The following CCDC141 variants were observed in gnomAD, a reference collection of about 807,000 sequenced individuals.
CCDC141 encodes coiled-coil domain-containing protein 141.
Under a neutral mutation model 181.0 loss-of-function variants are expected in CCDC141, and 168 were observed. The observed-to-expected ratio is 0.93, with a 90% CI of 0.82 to 1.05. The LOEUF (loss-of-function observed/expected upper bound fraction) is 1.05. CCDC141 is among the 50% of genes least tolerant of loss of function. The probability of loss-of-function intolerance (pLI) is 0.00; values close to 1 mark genes in which losing one functional copy is unlikely to be tolerated. For missense variants in CCDC141, 1,902 were observed against 1,788.5 expected (o/e 1.06, Z -1.14); for synonymous variants, 666 against 642.3 (o/e 1.04, Z -0.56).
At chr2:178,854,928 T>G (rs1198367697) in intron 19 of CCDC141, among the ~76,000 whole-genome samples, 1 of 152,220 alleles carries the variant, frequency 6.6e-6, no homozygotes, top group East Asian at 1.9e-4. Flanking sequence ...ATAACAACTT[T>G]TTGTAGCTGA....
chr2:178,888,555 G>A lies in CCDC141; in HGVS notation c.1379C>T (p.Thr460Ile), dbSNP rs1047823054. ...KEYALKKQQL[T>I]ASVEGYLRKV... ...CCGTAGGTAACCCTCCACTGAGGCT[G>A]TTAGTTGTTGTTTCTTAAGAGCATA... Residue 460 changes from threonine (T) to isoleucine (I), a missense_variant, in exon 9 of 24, where the codon ACA becomes ATA. By Grantham distance (89) the Thr-to-Ile change is moderately conservative (BLOSUM62 -1). Transcript: ENST00000443758. 4 of 1,550,278 alleles carry A rather than the reference G, an allele frequency of 2.6e-6. No homozygotes were observed. The highest frequency in any genetic ancestry group is 3.5e-6 in the Non-Finnish European group (4 of 1,146,768).
intron 2 of CCDC141, among the ~76,000 whole-genome samples, chr2:178,983,024 A>G (rs1176235465): frequency 6.6e-6 from 1 of 152,166 alleles, no homozygotes; most frequent in Non-Finnish European, 1.5e-5. Flanking sequence ...GCACAGACAA[A>G]CAAAAAGACA....
chr2:178,851,106 TGAGGCAGGA>T (rs1189545503), intron 20 of CCDC141, among the ~76,000 whole-genome samples: 1 of 150,314 alleles, frequency 6.7e-6, no homozygotes, highest in East Asian at 2.0e-4. Flanking sequence ...CTCGGGAGGC[TGAGGCAGGA>T]GAATCACTTG....
At chr2:178,918,301 G>T (rs1575215280) in intron 7 of CCDC141, among the ~76,000 whole-genome samples, 1 of 152,160 alleles carries the variant, frequency 6.6e-6, no homozygotes, top group East Asian at 1.9e-4. Context: ...CCAGCTACGT[G>T]GGAGGCTGAG....
At chr2:178,906,185 G>T (rs1687960925) in intron 7 of CCDC141, among the ~76,000 whole-genome samples, 1 of 152,184 alleles carries the variant, frequency 6.6e-6, no homozygotes, top group South Asian at 2.1e-4. Flanking sequence ...ATATTGTCTT[G>T]AGAGAAGATT....
intron 23 of CCDC141, 145 bp from the exon 24 acceptor site, chr2:178,834,585 G>C: frequency 1.1e-6 from 1 of 890,832 alleles, no homozygotes; most frequent in Non-Finnish European, 1.7e-6. Context: ...ACAAATTCCA[G>C]TGGGGCTCTT....
chr2:178,847,917 C>G (rs1370013946), intron 21 of CCDC141, among the ~76,000 whole-genome samples: 1 of 152,204 alleles, frequency 6.6e-6, no homozygotes, highest in African/African-American at 2.4e-5. Flanking sequence ...GAGTAGACAG[C>G]TACCAGGAAG....
chr2:179,017,423 T>C (rs2042575018), intron 2 of CCDC141, among the ~76,000 whole-genome samples: 1 of 152,188 alleles, frequency 6.6e-6, no homozygotes, highest in South Asian at 2.1e-4. Flanking sequence ...TCTTTTCTGT[T>C]CCTTGGGAGT....
chr2:178,983,720 G>A (rs1292901279), intron 2 of CCDC141, among the ~76,000 whole-genome samples: 1 of 151,698 alleles, frequency 6.6e-6, no homozygotes, highest in Non-Finnish European at 1.5e-5. Flanking sequence ...TATCAGCAAT[G>A]GAAGATGAAA....
At chr2:178,865,569 C>T (rs1685808360) in intron 17 of CCDC141, among the ~76,000 whole-genome samples, 198 bp downstream of exon 17, 1 of 152,212 alleles carries the variant, frequency 6.6e-6, no homozygotes, top group Non-Finnish European at 1.5e-5. Context: ...AATTTGAGAG[C>T]TTGAAGTTTA....
intron 7 of CCDC141, among the ~76,000 whole-genome samples, chr2:178,910,054 A>G (rs535564476): frequency 6.6e-6 from 1 of 152,342 alleles, no homozygotes; most frequent in South Asian, 2.1e-4. Context: ...TTTGGTAAAG[A>G]CTAAGGAGTT....
chr2:178,918,394 C>T lies in CCDC141; in HGVS notation c.1092+319G>A, dbSNP rs112287322. Among the ~76,000 whole-genome samples, 7 of 152,232 alleles carry T rather than the reference C, an allele frequency of 4.6e-5. 1 individual carries two copies. The highest frequency in any genetic ancestry group is 1.7e-4 in the African/African-American group (7 of 41,546). The stretch of plus-strand genomic sequence containing the variant: ...CTACACTCCAGCCAGGGTGACAGAG[C>T]CAGGCCCTTTCTCAAAACAACAACA... On this transcript the variant is annotated intron_variant, in intron 7 of 23. Transcript: ENST00000443758.
intron 2 of CCDC141, among the ~76,000 whole-genome samples, chr2:178,987,629 AC>A (rs1458753918): frequency 6.6e-6 from 1 of 150,382 alleles, no homozygotes; most frequent in Non-Finnish European, 1.5e-5. Context: ...CAAGAAAAAA[AC>A]AAACAACCCC....
At chr2:178,887,934 C>T (rs1455372305) in intron 9 of CCDC141, among the ~76,000 whole-genome samples, 1 of 152,132 alleles carries the variant, frequency 6.6e-6, no homozygotes, top group Admixed American at 6.5e-5. Context: ...GCTCCTTAGT[C>T]TTATTCCCCT....
At chr2:178,935,305 G>A (rs548482140) in intron 6 of CCDC141, among the ~76,000 whole-genome samples, 3 of 151,866 alleles carry the variant, frequency 2.0e-5, no homozygotes, top group South Asian at 2.1e-4. Flanking sequence ...CCCCAGTGTC[G>A]ATTGTTTTCT....
At position 178,853,602 on chromosome 2, in the gene CCDC141, G is replaced by C. The variant is rs1685260573; in HGVS notation, c.3083C>G (p.Ala1028Gly). 6.2e-7 allele frequency: 1 copy of C among 1,612,498 alleles called. No homozygotes were observed. The highest frequency in any genetic ancestry group is 1.3e-5 in the African/African-American group (1 of 74,942). Reference protein sequence around the residue: ...IEECHFWYEDASATVVRVGKY... With the variant: ...IEECHFWYEDGSATVVRVGKY... Reference sequence around the variant, plus strand: ...TCCAACTCTTACAACTGTGGCACTTGCATCTTCGTACCAAAAATGACACTA... The same window carrying C: ...TCCAACTCTTACAACTGTGGCACTTCCATCTTCGTACCAAAAATGACACTA... The change falls in exon 20 of 24, where the codon GCA (alanine) becomes GGA (glycine). Residue 1028 changes from alanine (A) to glycine (G), a missense_variant. By Grantham distance (60) the Ala-to-Gly change is moderately conservative. Coordinates refer to ENST00000443758, the MANE Select transcript of CCDC141 (RefSeq NM_173648.4).
At chr2:178,997,717 T>C (rs377701934) in intron 2 of CCDC141, among the ~76,000 whole-genome samples, 2 of 152,320 alleles carry the variant, frequency 1.3e-5, no homozygotes, top group African/African-American at 4.8e-5. Flanking sequence ...AGTTTTCCAA[T>C]GGTGGGAAAA....
intron 5 of CCDC141, among the ~76,000 whole-genome samples, chr2:178,957,380 C>A (rs76115608): frequency 3.3e-5 from 5 of 152,306 alleles, no homozygotes; most frequent in Non-Finnish European, 7.3e-5. Flanking sequence ...CCACAACACA[C>A]CTATTAAAGT....
chr2:179,015,083 T>TATATATATATATATATATATA (rs1559048540), intron 2 of CCDC141, among the ~76,000 whole-genome samples: 1 of 39,066 alleles, frequency 2.6e-5, no homozygotes, highest in Non-Finnish European at 6.4e-5. Context: ...TATATATATA[T>TATATATATATATATATATATA]ATATATATAT....
Sources: allele counts gnomAD v4.1 joint callset (sites outside exome capture counted in the v4.1 genomes callset), GRCh38; gene constraint gnomAD v4.1.1; transcripts MANE v1.5; gene names NCBI Gene and HGNC (gene_info 2026-07-23, HGNC 2026-07-21).